GNG7: variants seen among roughly 807,000 people sequenced by gnomAD.
The protein encoded by GNG7 is guanine nucleotide-binding protein G(I)/G(S)/G(O) subunit gamma-7.
In GNG7, 1 loss-of-function variant was observed where a neutral mutation model predicts 4.0. The observed-to-expected ratio is 0.25, with a 90% CI of 0.09 to 1.18. The LOEUF is 1.18. GNG7 is among the 50% of genes most tolerant of loss of function. The pLI, the probability that GNG7 is intolerant of heterozygous loss-of-function variation, is 0.50. For synonymous variants in GNG7, 34 were observed against 36.9 expected, an observed-to-expected ratio of 0.92 and a Z score of 0.29; for missense variants, 86 against 91.9, an observed-to-expected ratio of 0.94 and a Z score of 0.26.
chr19:2,628,185 C>T (rs538059380), intron 2 of GNG7, among the ~76,000 whole-genome samples: 2 of 152,328 alleles, frequency 1.3e-5, no homozygotes, highest in South Asian at 4.1e-4. Context: ...CTCACAACTT[C>T]TGTGTGTCAA....
intron 2 of GNG7, among the ~76,000 whole-genome samples, chr19:2,586,511 G>A (rs988790871): frequency 2.0e-5 from 3 of 152,204 alleles, no homozygotes; most frequent in Non-Finnish European, 4.4e-5. Flanking sequence ...GAGCTCAGCT[G>A]AGGCTGAAAG....
intron 2 of GNG7, among the ~76,000 whole-genome samples, chr19:2,588,807 G>A (rs898740040): frequency 1.3e-5 from 2 of 152,096 alleles, no homozygotes; most frequent in African/African-American, 2.4e-5. Flanking sequence ...TCTTTCTGGG[G>A]AAACTGGCTT....
At chr19:2,552,441 A>G (rs191324923) in intron 3 of GNG7, among the ~76,000 whole-genome samples, 30 of 151,826 alleles carry the variant, frequency 2.0e-4, no homozygotes, top group African/African-American at 6.8e-4. Flanking sequence ...CTGGAGTACA[A>G]TGGTGCGATC....
rs116966619 is a variant in GNG7 at position 2,557,590 on chromosome 19, C to T, written c.-77-2402G>A. Among the ~76,000 whole-genome samples the T allele has an allele frequency of 6.9e-4, 103 of 150,038 alleles. 1 individual carries two copies. The East Asian group carries it at 0.019, about 27-fold the overall frequency. The stretch of plus-strand genomic sequence containing the variant: ...GTTTCAGGACCGTGATAGAGAAAGA[C>T]GGGAAGTTAGACTTCTGACCCATCA... On this transcript the variant is annotated intron_variant, in intron 2 of 4. Transcript: ENST00000382159. This position sits in a 1 kb window ranked among gnomAD's most constrained non-coding sequence, Gnocchi z 5.1.
chr19:2,621,064 G>A (rs911508519), intron 2 of GNG7, among the ~76,000 whole-genome samples: 2 of 152,040 alleles, frequency 1.3e-5, no homozygotes, highest in African/African-American at 4.8e-5. Flanking sequence ...TTAGCACAGC[G>A]CCTTCCTCCT....
At chr19:2,585,288 AAT>A (rs1230551449) in intron 2 of GNG7, among the ~76,000 whole-genome samples, 6 of 152,222 alleles carry the variant, frequency 3.9e-5, no homozygotes, top group Admixed American at 2.0e-4. Context: ...ACTGCATAAT[AAT>A]ATATCTAGCA....
intron 3 of GNG7, among the ~76,000 whole-genome samples, chr19:2,526,034 G>A (rs1470461130): frequency 2.7e-5 from 4 of 146,546 alleles, no homozygotes; most frequent in African/African-American, 1.0e-4. Context: ...GCAGTGGCGC[G>A]ATCTTGGCTC....
chr19:2,670,095 G>A (rs1360315781), intron 1 of GNG7, among the ~76,000 whole-genome samples: 1 of 151,852 alleles, frequency 6.6e-6, no homozygotes. Context: ...ATTACTTCAA[G>A]GCCTCTGACT....
chr19:2,556,023 C>A (rs565378384), intron 2 of GNG7, among the ~76,000 whole-genome samples: 1 of 152,234 alleles, frequency 6.6e-6, no homozygotes, highest in Non-Finnish European at 1.5e-5. Flanking sequence ...GAGATCCAGG[C>A]AGCGATCTGC....
intron 2 of GNG7, among the ~76,000 whole-genome samples, chr19:2,597,046 G>C (rs1303553496): frequency 2.0e-5 from 3 of 151,822 alleles, no homozygotes; most frequent in Non-Finnish European, 4.4e-5. Flanking sequence ...ATCACTTGAG[G>C]CCAGGAGTTC....
intron 2 of GNG7, among the ~76,000 whole-genome samples, chr19:2,575,521 A>G (rs533173912): frequency 2.6e-5 from 4 of 151,236 alleles, no homozygotes; most frequent in African/African-American, 9.7e-5. Flanking sequence ...ATGCAGACAC[A>G]CGCAGGCACA....
chr19:2,536,666 G>T (rs915136170), intron 3 of GNG7, among the ~76,000 whole-genome samples: 1 of 152,190 alleles, frequency 6.6e-6, no homozygotes, highest in Admixed American at 6.5e-5. Flanking sequence ...TCCCGACAGG[G>T]AGGACTTTCT....
At chr19:2,538,217 A>C in intron 3 of GNG7, 1 of 456,750 alleles carries the variant, frequency 2.2e-6, no homozygotes, top group Non-Finnish European at 4.4e-6. Flanking sequence ...GAGAACATAC[A>C]CGAGCATCAG....
chr19:2,512,703 C>G lies in GNG7; in HGVS notation c.*2319G>C, dbSNP rs1972672817. On this transcript the variant is annotated 3_prime_UTR_variant, in exon 5 of 5. Transcript: ENST00000382159. The surrounding 1 kb of genome is among the most constrained non-coding windows in gnomAD (Gnocchi z 4.7). Reference sequence around the variant, plus strand: ...GGGCTTGGCACAGCTGTGCCCCCTCCTCCCTCTGCCCTGGCAGCGGGGGCT... The same window carrying G: ...GGGCTTGGCACAGCTGTGCCCCCTCGTCCCTCTGCCCTGGCAGCGGGGGCT... The G allele has an allele frequency of 5.6e-6, 1 of 178,946 alleles. No individual in the cohort carries two copies. Among genetic ancestry groups the G allele is most frequent in the Non-Finnish European group, 1.1e-5 (1 of 92,574 alleles). 11.1% of individuals were successfully genotyped at this position (178,946 alleles called of 1,614,324 possible). A position where few individuals can be genotyped will look rare whatever the true frequency, so the allele number is the denominator to read the frequency against.
intron 1 of GNG7, among the ~76,000 whole-genome samples, chr19:2,696,731 A>C (rs549380116): frequency 6.6e-6 from 1 of 152,306 alleles, no homozygotes; most frequent in Non-Finnish European, 1.5e-5. Flanking sequence ...ACAGTGTGTG[A>C]CCCATTTCTT....
intron 2 of GNG7, among the ~76,000 whole-genome samples, chr19:2,625,117 G>C (rs1385366638): frequency 6.6e-6 from 1 of 152,220 alleles, no homozygotes; most frequent in Non-Finnish European, 1.5e-5. Flanking sequence ...TCGCCAGGCT[G>C]GAGTGCAGTG....
chr19:2,620,389 C>G (rs139196194), intron 2 of GNG7, among the ~76,000 whole-genome samples: 1,752 of 152,118 alleles, frequency 0.012, 10 homozygotes, highest in Middle Eastern at 0.034. Flanking sequence ...TCCTGATCCC[C>G]CAACCCACAC....
intron 1 of GNG7, among the ~76,000 whole-genome samples, chr19:2,669,944 A>G (rs937102010): frequency 6.7e-6 from 1 of 149,056 alleles, no homozygotes; most frequent in Non-Finnish European, 1.5e-5. Context: ...CGGGAGGTAG[A>G]GGTTGCAGTG....
At chr19:2,565,555 G>C (rs1029523024) in intron 2 of GNG7, among the ~76,000 whole-genome samples, 2 of 151,690 alleles carry the variant, frequency 1.3e-5, no homozygotes, top group African/African-American at 4.8e-5. Flanking sequence ...GTCAAAGGAA[G>C]GGTCGGTTAG....
Sources: gnomAD v4.1 joint callset for allele counts (sites outside exome capture counted in the v4.1 genomes callset) on GRCh38, gnomAD v4.1.1 for gene constraint, Gnocchi (gnomAD v3.1) non-coding constraint, MANE v1.5 for transcripts, NCBI Gene and HGNC (gene_info 2026-07-23, HGNC 2026-07-21) for gene names.